GFI1B: variants seen among roughly 807,000 people sequenced by gnomAD.
The protein encoded by GFI1B is growth factor independent 1B transcriptional repressor.
Under a neutral mutation model 35.3 loss-of-function variants are expected in GFI1B, and 20 were observed. That is an observed-to-expected ratio of 0.57 (90% CI 0.40 to 0.82). The LOEUF (loss-of-function observed/expected upper bound fraction) is 0.82. Ranked by LOEUF, GFI1B falls within the 40% of genes least tolerant of loss-of-function variation. GFI1B has a pLI of 0.00. For missense variants in GFI1B, 430 were observed against 446.3 expected (o/e 0.96, Z 0.33); for synonymous variants, 178 against 177.6 (o/e 1.00, Z -0.02).
chr9:132,987,665 G>A (rs1849124587), intron 3 of GFI1B, among the ~76,000 whole-genome samples: 1 of 152,110 alleles, frequency 6.6e-6, no homozygotes, highest in Admixed American at 6.5e-5. Context: ...GAGTGAGGTG[G>A]GCACTGTGGA....
chr9:132,984,349 G>A (rs931713250), intron 1 of GFI1B, among the ~76,000 whole-genome samples: 1 of 152,170 alleles, frequency 6.6e-6, no homozygotes, highest in Non-Finnish European at 1.5e-5. Flanking sequence ...GGGGGAGGAG[G>A]CAAGAGGAGG....
chr9:132,959,929 C>T (rs1564524414), intron 1 of GFI1B, among the ~76,000 whole-genome samples: 1 of 152,212 alleles, frequency 6.6e-6, no homozygotes, highest in Non-Finnish European at 1.5e-5. Flanking sequence ...CTGAACCGAA[C>T]TTCATCTTCA....
Position 132,989,103 on chromosome 9 carries a change from T to C in GFI1B, c.553T>C (p.Ser185Pro). The change falls in exon 5 of 7, where the codon TCC (serine) becomes CCC (proline). Residue 185 changes from serine (S) to proline (P), a missense_variant. Coordinates refer to ENST00000372122, the MANE Select transcript of GFI1B (RefSeq NM_001377304.1). The surrounding 1 kb of genome is among the most constrained non-coding windows in gnomAD (Gnocchi z 6.2). Reference sequence around the variant, plus strand: ...CGGGCTCGAAGTGCATGTGCGACGCTCCCATAGTGGGACCCGGCCCTTCGC... The same window carrying C: ...CGGGCTCGAAGTGCATGTGCGACGCCCCCATAGTGGGACCCGGCCCTTCGC... ...PHGLEVHVRR[S>P]HSGTRPFACD... The C allele has an allele frequency of 6.2e-7, 1 of 1,613,940 alleles. No individual in the cohort carries two copies. Among genetic ancestry groups the C allele is most frequent in the East Asian group, 2.2e-5 (1 of 44,876 alleles).
At chr9:132,977,844 G>T (rs746118041), upstream of GFI1B, among the ~76,000 whole-genome samples, 7 of 152,170 alleles carry the variant, frequency 4.6e-5, no homozygotes, top group Non-Finnish European at 1.0e-4. Flanking sequence ...CAGCACACAC[G>T]GGCTCTGGCA....
chr9:132,956,653 A>G (rs2132589770), intron 1 of GFI1B, among the ~76,000 whole-genome samples: 1 of 152,350 alleles, frequency 6.6e-6, no homozygotes, highest in Admixed American at 6.5e-5. Context: ...TTGGGGAAGA[A>G]TTTTGACCAA....
At chr9:132,982,628 C>T (rs915705155) in intron 1 of GFI1B, among the ~76,000 whole-genome samples, 3 of 152,036 alleles carry the variant, frequency 2.0e-5, no homozygotes, top group East Asian at 1.9e-4. Context: ...CTTCTCAGAA[C>T]GGAGTTCATG....
At chr9:132,986,206 A>T (rs1332903438) in intron 1 of GFI1B, among the ~76,000 whole-genome samples, 2 of 152,060 alleles carry the variant, frequency 1.3e-5, no homozygotes, top group African/African-American at 2.4e-5. Flanking sequence ...ACGCCAGGGG[A>T]GAGGGTTTCA....
chr9:132,992,815 C>A (rs1726546055), downstream of GFI1B, among the ~76,000 whole-genome samples: 1 of 152,070 alleles, frequency 6.6e-6, no homozygotes, highest in Admixed American at 6.5e-5. Flanking sequence ...CCGCACCCCA[C>A]CCCCCATCCC....
At chr9:132,954,122 G>T (rs1848245286) in intron 1 of GFI1B, among the ~76,000 whole-genome samples, 1 of 151,696 alleles carries the variant, frequency 6.6e-6, no homozygotes, top group South Asian at 2.1e-4. Flanking sequence ...GTGTGTATTG[G>T]TCTGTCACCA....
Position 132,988,246 on chromosome 9 carries a change from C to T in GFI1B, c.288C>T (p.Ser96=), listed in dbSNP as rs749039556. 2.2e-5 allele frequency: 36 copies of T among 1,613,798 alleles called. No homozygotes were observed. Among genetic ancestry groups the T allele is most frequent in the African/African-American group, 2.1e-4 (16 of 75,038 alleles). The change falls in exon 4 of 7, where the codon TCC becomes TCT. Residue 96 remains serine, a synonymous_variant. Transcript: ENST00000372122. The stretch of plus-strand genomic sequence containing the variant: ...CCCAGGATGGGGACTCTCCACTGTC[C>T]GACTCACCCCCATTCTACAAGCCTA... ...SRPQDGDSPL[S]DSPPFYKPSF...
intron 1 of GFI1B, chr9:132,945,900 T>A (rs1026135950): frequency 1.3e-5 from 2 of 152,144 alleles, no homozygotes; most frequent in African/African-American, 4.8e-5. Context: ...TGGGAACCAA[T>A]TGGGTCACAG....
chr9:132,966,033 C>T (rs11998995), intron 1 of GFI1B, among the ~76,000 whole-genome samples: 42,313 of 152,034 alleles, frequency 0.28, 6,410 homozygotes, highest in South Asian at 0.35. Context: ...GAGTTCACAG[C>T]GATGCTGAAG....
At chr9:132,976,108 T>C (rs1848626933), upstream of GFI1B, among the ~76,000 whole-genome samples, 1 of 152,200 alleles carries the variant, frequency 6.6e-6, no homozygotes, top group Admixed American at 6.5e-5. Flanking sequence ...ATTACAATCT[T>C]AGAACAGCAG....
At chr9:132,974,601 C>CA (rs11243966), upstream of GFI1B, among the ~76,000 whole-genome samples, 23,315 of 79,774 alleles carry the variant, frequency 0.29, 3,456 homozygotes, top group East Asian at 0.48. Context: ...GAATCCGTCT[C>CA]AAAAAAAAAA....
chr9:132,957,709 G>C (rs1206363866), intron 1 of GFI1B, among the ~76,000 whole-genome samples: 1 of 152,082 alleles, frequency 6.6e-6, no homozygotes, highest in African/African-American at 2.4e-5. Context: ...CAGATATGAA[G>C]AGTAAGTGGC....
intron 1 of GFI1B, among the ~76,000 whole-genome samples, chr9:132,956,661 C>G (rs150486140): frequency 1.9e-4 from 29 of 152,178 alleles, no homozygotes; most frequent in African/African-American, 7.0e-4. Context: ...GAATTTTGAC[C>G]AAAGAATGCA....
At chr9:132,976,019 G>T (rs1467673212), upstream of GFI1B, among the ~76,000 whole-genome samples, 1 of 152,148 alleles carries the variant, frequency 6.6e-6, no homozygotes, top group Non-Finnish European at 1.5e-5. Context: ...TCATCTGCAG[G>T]CTGGGTCCCT....
chr9:132,977,145 T>A (rs144527511), upstream of GFI1B, among the ~76,000 whole-genome samples: 224 of 152,216 alleles, frequency 1.5e-3, no homozygotes, highest in African/African-American at 5.2e-3. Flanking sequence ...TTTGTAGAGA[T>A]GGGGTTTCTC....
intron 1 of GFI1B, chr9:132,952,748 A>C (rs1041327048): frequency 2.0e-5 from 3 of 152,262 alleles, no homozygotes; most frequent in Admixed American, 1.3e-4. Context: ...AAATGCATAT[A>C]AATTTTCTAC....
Sources: gnomAD v4.1 joint callset for allele counts (sites outside exome capture counted in the v4.1 genomes callset) on GRCh38, gnomAD v4.1.1 for gene constraint, Gnocchi (gnomAD v3.1) non-coding constraint, MANE v1.5 for transcripts, NCBI Gene and HGNC (gene_info 2026-07-23, HGNC 2026-07-21) for gene names.